Variants in PDE7A observed in about 807,000 individuals in gnomAD.
The protein encoded by PDE7A is high affinity 3',5'-cyclic-AMP phosphodiesterase 7A.
A neutral mutation model predicts 64.3 loss-of-function variants in PDE7A; 39 were observed. The ratio of observed to expected loss-of-function variants is 0.61; its 90% confidence interval spans 0.47 to 0.79. The LOEUF is 0.79. Among genes scored for constraint, PDE7A ranks in the 30% least tolerant of loss-of-function variants. PDE7A has a pLI of 0.00. For missense variants in PDE7A, 470 were observed against 582.8 expected, an observed-to-expected ratio of 0.81 and a Z score of 1.99; for synonymous variants, 203 against 206.8, an observed-to-expected ratio of 0.98 and a Z score of 0.16.
chr8:65,774,317 A>ATGT (rs1809195670), intron 3 of PDE7A, among the ~76,000 whole-genome samples: 1 of 111,774 alleles, frequency 8.9e-6, no homozygotes, highest in African/African-American at 6.4e-5. Context: ...TATAGTGAGA[A>ATGT]TATTATAAAA....
chr8:65,775,212 T>C (rs899998786), intron 3 of PDE7A, among the ~76,000 whole-genome samples: 3 of 152,252 alleles, frequency 2.0e-5, no homozygotes, highest in African/African-American at 7.2e-5. Context: ...TTATCTCTTT[T>C]ATTGCAAACA....
In PDE7A at chr8:65,782,729, A is replaced by G. The variant is rs533804560; in HGVS notation, c.199+54T>C. The G allele has an allele frequency of 5.2e-6, 5 of 959,410 alleles. No individual in the cohort carries two copies. In the East Asian group the frequency reaches 1.0e-4, roughly 19 times the overall value. The allele number at this position is 959,410 out of a possible 1,614,324, so 59.4% of individuals were successfully genotyped here. A position where few individuals can be genotyped will look rare whatever the true frequency, so the allele number is the denominator to read the frequency against. On this transcript the variant is annotated intron_variant, in intron 2 of 12. Coordinates refer to ENST00000401827, the MANE Select transcript of PDE7A (RefSeq NM_001242318.3). ...ATGAAAGATACCTCAAACTCAAATA[A>G]CAACAGGTAATAACAAAATTAACTG...
At chr8:65,833,426 T>G (rs1810878906) in intron 1 of PDE7A, among the ~76,000 whole-genome samples, 1 of 152,170 alleles carries the variant, frequency 6.6e-6, no homozygotes, top group Non-Finnish European at 1.5e-5. Flanking sequence ...GTCAAATGTG[T>G]TTTCCTAATC....
intron 1 of PDE7A, among the ~76,000 whole-genome samples, chr8:65,821,777 AT>A (rs1810547342): frequency 6.6e-6 from 1 of 152,208 alleles, no homozygotes; most frequent in Non-Finnish European, 1.5e-5. Context: ...ACTATAAAAT[AT>A]ATCAGTATCT....
At chr8:65,728,410 AG>A (rs1259932369) in intron 7 of PDE7A, 7 of 152,256 alleles carry the variant, frequency 4.6e-5, no homozygotes, top group African/African-American at 1.7e-4. Flanking sequence ...CATCTCAGTC[AG>A]AGAAATCACT....
intron 10 of PDE7A, 126 bp downstream of exon 10, chr8:65,724,651 A>C: frequency 1.2e-6 from 1 of 816,776 alleles, no homozygotes; most frequent in Non-Finnish European, 1.9e-6. Context: ...GCGCTAATTG[A>C]AGGAAATTCT....
intron 1 of PDE7A, among the ~76,000 whole-genome samples, chr8:65,813,649 G>A (rs1435784308): frequency 6.6e-6 from 1 of 152,120 alleles, no homozygotes; most frequent in Non-Finnish European, 1.5e-5. Flanking sequence ...AATGAATCAA[G>A]CATTGACTTT....
chr8:65,757,485 T>A (rs1178275115), intron 3 of PDE7A, among the ~76,000 whole-genome samples: 2 of 152,254 alleles, frequency 1.3e-5, no homozygotes, highest in Non-Finnish European at 1.5e-5. Context: ...AGGGTTTTTT[T>A]AGATCTTGTC....
chr8:65,770,959 A>G (rs1350362520), intron 3 of PDE7A: 10 of 266,082 alleles, frequency 3.8e-5, no homozygotes, highest in Non-Finnish European at 7.6e-5. Flanking sequence ...AAGACTCGTT[A>G]AAGTCAGAAC....
intron 1 of PDE7A, among the ~76,000 whole-genome samples, chr8:65,785,920 T>C (rs890917261): frequency 6.6e-6 from 1 of 152,134 alleles, no homozygotes; most frequent in Non-Finnish European, 1.5e-5. Flanking sequence ...ACATTAAGGA[T>C]TGTGAAAGAC....
At chr8:65,733,956 G>T (rs1431290552) in intron 7 of PDE7A, among the ~76,000 whole-genome samples, 1 of 152,146 alleles carries the variant, frequency 6.6e-6, no homozygotes, top group African/African-American at 2.4e-5. Context: ...AACTGCCAGG[G>T]ATAGGAAATG....
At chr8:65,802,531 A>C (rs1275875923) in intron 1 of PDE7A, among the ~76,000 whole-genome samples, 1 of 152,160 alleles carries the variant, frequency 6.6e-6, no homozygotes, top group Non-Finnish European at 1.5e-5. Context: ...CTAACTACGG[A>C]GTCTTCATAC....
At chr8:65,762,519 G>C (rs1381745595) in intron 3 of PDE7A, among the ~76,000 whole-genome samples, 1 of 152,138 alleles carries the variant, frequency 6.6e-6, no homozygotes, top group African/African-American at 2.4e-5. Context: ...TACTAGTTCT[G>C]TGACATTAAA....
At chr8:65,830,290 T>G (rs554890331) in intron 1 of PDE7A, among the ~76,000 whole-genome samples, 1 of 152,106 alleles carries the variant, frequency 6.6e-6, no homozygotes, top group Non-Finnish European at 1.5e-5. Flanking sequence ...CAAATCAAGG[T>G]GTCACCACTT....
chr8:65,834,852 A>G (rs1235326375), intron 1 of PDE7A, among the ~76,000 whole-genome samples: 1 of 152,190 alleles, frequency 6.6e-6, no homozygotes. Context: ...CTTCCCTTAT[A>G]AAAGGAACCT....
intron 8 of PDE7A, 55 bp from the exon 9 acceptor site, chr8:65,727,021 T>A: frequency 9.4e-7 from 1 of 1,064,074 alleles, no homozygotes; most frequent in Non-Finnish European, 1.5e-6. Context: ...TCTGGACATA[T>A]CATTACTAAC....
intron 6 of PDE7A, 61 bp downstream of exon 6, chr8:65,739,441 C>T: frequency 6.8e-7 from 1 of 1,480,110 alleles, no homozygotes. Flanking sequence ...TGAGATAAAA[C>T]TTAAACAGGT....
chr8:65,840,626 T>G (rs1256977116), intron 1 of PDE7A, among the ~76,000 whole-genome samples: 3 of 152,210 alleles, frequency 2.0e-5, no homozygotes, highest in Non-Finnish European at 4.4e-5. Flanking sequence ...ACAATCAAAA[T>G]TAGCCAAACC....
chr8:65,837,951 T>C (rs1359497112), intron 1 of PDE7A, among the ~76,000 whole-genome samples: 1 of 152,010 alleles, frequency 6.6e-6, no homozygotes, highest in East Asian at 1.9e-4. Context: ...TGTAATTCTT[T>C]ACATTTTCTC....
Sources: gnomAD v4.1 joint callset for allele counts (sites outside exome capture counted in the v4.1 genomes callset) on GRCh38, gnomAD v4.1.1 for gene constraint, MANE v1.5 for transcripts, NCBI Gene and HGNC (gene_info 2026-07-23, HGNC 2026-07-21) for gene names.